FHOD3: variants seen among roughly 807,000 people sequenced by gnomAD.
FHOD3 encodes formin homology 2 domain containing 3.
A neutral mutation model predicts 173.0 loss-of-function variants in FHOD3; 90 were observed. The observed-to-expected ratio is 0.52, with a 90% confidence interval of 0.44 to 0.62. The LOEUF is 0.62. FHOD3 is among the 20% of genes least tolerant of loss of function. The probability of loss-of-function intolerance (pLI) is 0.00; values close to 1 mark genes in which losing one functional copy is unlikely to be tolerated. For synonymous variants in FHOD3, 828 were observed against 823.0 expected, an observed-to-expected ratio of 1.01 and a Z score of -0.10; for missense variants, 1,945 against 2,034.7, an observed-to-expected ratio of 0.96 and a Z score of 0.85.
chr18:36,596,136 G>A (rs1378390623), intron 7 of FHOD3, among the ~76,000 whole-genome samples: 2 of 151,840 alleles, frequency 1.3e-5, no homozygotes, highest in Non-Finnish European at 2.9e-5. Context: ...TTGTGTCTGT[G>A]ATTTTTTTTT....
intron 3 of FHOD3, among the ~76,000 whole-genome samples, chr18:36,440,533 CG>C (rs1470004088): frequency 6.6e-6 from 1 of 152,246 alleles, no homozygotes; most frequent in African/African-American, 2.4e-5. Flanking sequence ...CGGGCCTCCA[CG>C]GCCCTCCCAC....
At chr18:36,546,732 A>G (rs1233657417) in intron 5 of FHOD3, among the ~76,000 whole-genome samples, 2 of 152,154 alleles carry the variant, frequency 1.3e-5, no homozygotes, top group Non-Finnish European at 2.9e-5. Flanking sequence ...TGGCATTCCC[A>G]CTGCACATCA....
intron 3 of FHOD3, among the ~76,000 whole-genome samples, chr18:36,496,185 G>A (rs1244252314): frequency 5.9e-5 from 9 of 152,170 alleles, no homozygotes; most frequent in Non-Finnish European, 1.3e-4. Flanking sequence ...ACCTCACATG[G>A]CATTGTTAGT....
chr18:36,399,440 G>C lies in FHOD3; in HGVS notation c.337+26696G>C, dbSNP rs1020078662. 3.3e-5 allele frequency among the ~76,000 whole-genome samples: 5 copies of C among 152,226 alleles called. 1 individual carries two copies. The South Asian group carries it at 6.2e-4, about 19-fold the overall frequency. ...GATTAATCCTAAGTGTCCACACACA[G>C]ATGTTATATGTGTCTTTTGTTTTGC... On this transcript the variant is annotated intron_variant, in intron 3 of 28. Transcript: ENST00000590592.
At chr18:36,470,075 T>A (rs1358327532) in intron 3 of FHOD3, among the ~76,000 whole-genome samples, 2 of 152,134 alleles carry the variant, frequency 1.3e-5, no homozygotes, top group African/African-American at 2.4e-5. Flanking sequence ...GAATTCCAGA[T>A]GGTAGGAGAG....
intron 14 of FHOD3, among the ~76,000 whole-genome samples, chr18:36,671,168 T>C (rs918722516): frequency 6.6e-6 from 1 of 152,266 alleles, no homozygotes; most frequent in Admixed American, 6.5e-5. Flanking sequence ...TCTCTCTGTA[T>C]AGACCCTTTC....
chr18:36,311,868 C>A (rs1270845400), intron 1 of FHOD3, among the ~76,000 whole-genome samples: 2 of 152,202 alleles, frequency 1.3e-5, no homozygotes, highest in African/African-American at 2.4e-5. Flanking sequence ...AATGCCAGCC[C>A]TTTTCCACTG....
chr18:36,360,325 C>G (rs2046547884), intron 2 of FHOD3, among the ~76,000 whole-genome samples: 1 of 152,214 alleles, frequency 6.6e-6, no homozygotes, highest in Non-Finnish European at 1.5e-5. Context: ...CTCCTAACTT[C>G]AGGTAACTTG....
At chr18:36,713,280 T>C (rs2040271182) in intron 18 of FHOD3, among the ~76,000 whole-genome samples, 1 of 152,232 alleles carries the variant, frequency 6.6e-6, no homozygotes. Flanking sequence ...TCATGTGATG[T>C]AGTGCTCTGT....
At chr18:36,693,481 A>C in intron 17 of FHOD3, 58 bp downstream of exon 17, 158 of 1,445,906 alleles carry the variant, frequency 1.1e-4, no homozygotes, top group Non-Finnish European at 1.3e-4. Context: ...AGGCTTCCTC[A>C]GGGCAGTAGT....
At chr18:36,725,152 T>C (rs2040993479) in intron 19 of FHOD3, among the ~76,000 whole-genome samples, 1 of 152,198 alleles carries the variant, frequency 6.6e-6, no homozygotes, top group Non-Finnish European at 1.5e-5. Flanking sequence ...CTCAGGCACC[T>C]CCTTCCATCA....
chr18:36,404,921 A>G lies in FHOD3; in HGVS notation c.337+32177A>G, dbSNP rs561760647. 3.9e-5 allele frequency among the ~76,000 whole-genome samples: 6 copies of G among 152,340 alleles called. No homozygotes were observed. In the South Asian group the frequency reaches 8.3e-4, roughly 21 times the overall value. On this transcript the variant is annotated intron_variant, in intron 3 of 28. Coordinates refer to ENST00000590592, the MANE Select transcript of FHOD3 (RefSeq NM_001281740.3). ...ACATTTATACTCTGATATGAAACCA[A>G]TGATCTAATAGATGATAATACCACT...
chr18:36,395,613 G>A (rs954756013), intron 3 of FHOD3, among the ~76,000 whole-genome samples: 6 of 151,960 alleles, frequency 3.9e-5, no homozygotes, highest in African/African-American at 1.2e-4. Context: ...ATGAGTGCAT[G>A]GAGTTTTCCA....
At chr18:36,534,567 T>C (rs879496547) in intron 5 of FHOD3, among the ~76,000 whole-genome samples, 14 of 152,134 alleles carry the variant, frequency 9.2e-5, no homozygotes, top group Admixed American at 3.3e-4. Flanking sequence ...AGTGCAGTGT[T>C]GCGATCTCAG....
At chr18:36,304,791 A>C in intron 1 of FHOD3, among the ~76,000 whole-genome samples, 1 of 152,178 alleles carries the variant, frequency 6.6e-6, no homozygotes, top group South Asian at 2.1e-4. Context: ...TATGCTCCTA[A>C]ATTTTTATTA....
intron 6 of FHOD3, among the ~76,000 whole-genome samples, chr18:36,585,988 G>A (rs1378952705): frequency 2.0e-5 from 3 of 152,130 alleles, no homozygotes; most frequent in Non-Finnish European, 4.4e-5. Context: ...CTCTACTCTA[G>A]CCCCCATCTG....
chr18:36,608,552 C>G (rs1053036010), intron 8 of FHOD3, among the ~76,000 whole-genome samples: 1 of 152,160 alleles, frequency 6.6e-6, no homozygotes, highest in Non-Finnish European at 1.5e-5. Flanking sequence ...TAGAATATAG[C>G]TATATGAGTT....
chr18:36,380,543 CTTTCTTTTGT>C (rs771377724), intron 3 of FHOD3, among the ~76,000 whole-genome samples: 4,143 of 116,558 alleles, frequency 0.036, 194 homozygotes, highest in South Asian at 0.094. Context: ...CTTTCTCTCT[CTTTCTTTTGT>C]TTTCTTTTCT....
Position 36,659,864 on chromosome 18 carries a change from C to T in FHOD3, c.1835+1676C>T, listed in dbSNP as rs982405890. Among the ~76,000 whole-genome samples, 8 of 152,182 alleles carry T rather than the reference C, an allele frequency of 5.3e-5. No individual in the cohort carries two copies. The East Asian group carries it at 1.5e-3, about 29-fold the overall frequency. ...CTGGAATCCCAGGTCCAGGTTTGGG[C>T]TAGAAGATCCAGGATCCTGAAGGAC... is the stretch of plus-strand genomic sequence containing the variant. On this transcript the variant is annotated intron_variant, in intron 14 of 28. Coordinates refer to ENST00000590592, the MANE Select transcript of FHOD3 (RefSeq NM_001281740.3).
Sources: allele counts gnomAD v4.1 joint callset (sites outside exome capture counted in the v4.1 genomes callset), GRCh38; gene constraint gnomAD v4.1.1; transcripts MANE v1.5; gene names NCBI Gene and HGNC (gene_info 2026-07-23, HGNC 2026-07-21).